NEURL1B: variants seen among roughly 807,000 people sequenced by gnomAD.
NEURL1B encodes the protein neuralized E3 ubiquitin protein ligase 1B.
NEURL1B carries 13 observed loss-of-function variants against 37.4 expected under a neutral mutation model. That is an observed-to-expected ratio of 0.35 (90% CI 0.23 to 0.55). The LOEUF is 0.55. Ranked by LOEUF, NEURL1B falls within the 20% of genes least tolerant of loss-of-function variation. NEURL1B has a pLI of 0.89. For synonymous variants in NEURL1B, 432 were observed against 426.6 expected (o/e 1.01, Z -0.16); for missense variants, 790 against 879.2 (o/e 0.90, Z 1.28).
intron 1 of NEURL1B, among the ~76,000 whole-genome samples, chr5:172,666,217 G>T (rs1758012420): frequency 6.6e-6 from 1 of 152,000 alleles, no homozygotes; most frequent in African/African-American, 2.4e-5. Flanking sequence ...AACAGAGCTG[G>T]GATCACACAC....
chr5:172,686,084 G>C lies in NEURL1B; in HGVS notation c.1298-87G>C. On this transcript the variant is annotated intron_variant, in intron 3 of 4. Transcript: ENST00000369800. This position sits in a 1 kb window ranked among gnomAD's most constrained non-coding sequence, Gnocchi z 7.9. ...TCTGGTCCTCTCGTTAGACGGGAAA[G>C]CTAAGGTGCAAAGCAGTGAAGAACC... 4 of 1,480,460 alleles carry C rather than the reference G, an allele frequency of 2.7e-6. No homozygotes were observed. The highest frequency in any genetic ancestry group is 3.6e-6 in the Non-Finnish European group (4 of 1,100,826). The allele number at this position is 1,480,460 out of a possible 1,614,324, so 91.7% of individuals were successfully genotyped here. A position where few individuals can be genotyped will look rare whatever the true frequency, so the allele number is the denominator to read the frequency against.
chr5:172,653,253 T>A (rs1757702117), intron 1 of NEURL1B, among the ~76,000 whole-genome samples: 1 of 152,218 alleles, frequency 6.6e-6, no homozygotes, highest in African/African-American at 2.4e-5. Flanking sequence ...GCCTTCTTAC[T>A]GAGAAACTTC....
Position 172,683,943 on chromosome 5 carries a change from T to C in NEURL1B, c.1102T>C (p.Tyr368His). The change falls in exon 3 of 5, where the codon TAC becomes CAC. Residue 368 changes from tyrosine to histidine, a missense_variant. Coordinates refer to ENST00000369800, the MANE Select transcript of NEURL1B (RefSeq NM_001142651.3). The surrounding 1 kb of genome is among the most constrained non-coding windows in gnomAD (Gnocchi z 5.6). ...DPDALLDRKE[Y>H]WVVARAGPVP... ...AGACGCGCTGCTCGACCGCAAAGAG[T>C]ACTGGGTGGTGGCGCGCGCCGGGCC... 2 of 1,376,276 alleles carry C rather than the reference T, an allele frequency of 1.5e-6. No individual in the cohort carries two copies. Among genetic ancestry groups the C allele is most frequent in the Non-Finnish European group, 1.9e-6 (2 of 1,059,538 alleles). The allele number at this position is 1,376,276 out of a possible 1,614,324, so 85.3% of individuals were successfully genotyped here. A position where few individuals can be genotyped will look rare whatever the true frequency, so the allele number is the denominator to read the frequency against.
Position 172,686,966 on chromosome 5 carries a change from T to A in NEURL1B, c.*41T>A. ...GGCCTTGGCCGGTGCAAGGTCACCT[T>A]TCTGAAGGCCCCCTGGGCTGGGCAA... On this transcript the variant is annotated 3_prime_UTR_variant, in exon 5 of 5. Coordinates refer to ENST00000369800, the MANE Select transcript of NEURL1B (RefSeq NM_001142651.3). The surrounding 1 kb of genome is among the most constrained non-coding windows in gnomAD (Gnocchi z 7.9). 1.3e-6 allele frequency: 2 copies of A among 1,522,998 alleles called. No individual in the cohort carries two copies. The highest frequency in any genetic ancestry group is 1.8e-6 in the Non-Finnish European group (2 of 1,126,776). 94.3% of individuals were successfully genotyped at this position (1,522,998 alleles called of 1,614,324 possible).
intron 2 of NEURL1B, among the ~76,000 whole-genome samples, chr5:172,677,594 C>A (rs1389058622): frequency 6.6e-6 from 1 of 152,160 alleles, no homozygotes; most frequent in Non-Finnish European, 1.5e-5. Context: ...AGGTCATGCC[C>A]CAGCACACCA....
At position 172,661,500 on chromosome 5, in the gene NEURL1B, A is replaced by G. The variant is rs1757902325; in HGVS notation, c.32-8285A>G. ...GTCCTCTCAGACCCTCAGTTTCCTC[A>G]TCTGGGAAATCAAGGTGGTAAAACC... On this transcript the variant is annotated intron_variant, in intron 1 of 4. Coordinates refer to ENST00000369800, the MANE Select transcript of NEURL1B (RefSeq NM_001142651.3). This position sits in a 1 kb window ranked among gnomAD's most constrained non-coding sequence, Gnocchi z 4.0. Among the ~76,000 whole-genome samples the G allele has an allele frequency of 6.6e-6, 1 of 152,236 alleles. No individual in the cohort carries two copies. Among genetic ancestry groups the G allele is most frequent in the Admixed American group, 6.5e-5 (1 of 15,282 alleles).
At chr5:172,672,353 T>C (rs1758145176) in intron 2 of NEURL1B, among the ~76,000 whole-genome samples, 1 of 152,204 alleles carries the variant, frequency 6.6e-6, no homozygotes, top group Admixed American at 6.5e-5. Flanking sequence ...GAGCTCTTTT[T>C]TCCTATCCAG....
chr5:172,664,824 T>C (rs1404135467), intron 1 of NEURL1B, among the ~76,000 whole-genome samples: 1 of 152,222 alleles, frequency 6.6e-6, no homozygotes, highest in African/African-American at 2.4e-5. Context: ...GCTGTGGTCT[T>C]GGGGAGGAAA....
chr5:172,659,615 T>C (rs1757858252), intron 1 of NEURL1B, among the ~76,000 whole-genome samples: 1 of 152,100 alleles, frequency 6.6e-6, no homozygotes, highest in Admixed American at 6.5e-5. Context: ...GAGAGGTGGA[T>C]CCACAGGAGT....
chr5:172,656,555 C>A, intron 1 of NEURL1B: 7 of 1,610,960 alleles, frequency 4.3e-6, no homozygotes, highest in Non-Finnish European at 5.9e-6. Flanking sequence ...CACCTATGGC[C>A]AAGAGCCCCT....
At chr5:172,684,195 T>A in intron 3 of NEURL1B, 57 bp downstream of exon 3, 1 of 1,102,358 alleles carries the variant, frequency 9.1e-7, no homozygotes, top group Non-Finnish European at 1.1e-6. Context: ...CCGTGCCGTC[T>A]CACCCCGCTG....
Position 172,677,524 on chromosome 5 carries a change from G to T in NEURL1B, c.578-5895G>T, listed in dbSNP as rs150736669. 6.5e-3 allele frequency among the ~76,000 whole-genome samples: 985 copies of T among 152,278 alleles called. 3 individuals carry two copies. The highest frequency in any genetic ancestry group is 0.01 in the Non-Finnish European group (701 of 68,022). ...AACCGAGGCCTGTGTCTGCAGTCCA[G>T]CCTTCTCTGGTTGGCAGAAGGGCAT... On this transcript the variant is annotated intron_variant, in intron 2 of 4. Coordinates refer to ENST00000369800, the MANE Select transcript of NEURL1B (RefSeq NM_001142651.3).
rs1758604343 is a variant in NEURL1B, at chr5:172,689,904, TGA to T, written c.*2984_*2985del. On this transcript the variant is annotated 3_prime_UTR_variant, in exon 5 of 5. Transcript: ENST00000369800. ...GCATTCTCCTGGCAGAGCTGAGGTC[TGA>T]GAGATCTGGACTCCAACCCAAGGGC... is the stretch of plus-strand genomic sequence containing the variant. 6.6e-6 allele frequency: 1 copy of T among 152,272 alleles called. No homozygotes were observed. The highest frequency in any genetic ancestry group is 1.9e-4 in the East Asian group (1 of 5,196). 9.4% of individuals were successfully genotyped at this position (152,272 alleles called of 1,614,324 possible).
chr5:172,666,786 C>T (rs1342885308), intron 1 of NEURL1B, among the ~76,000 whole-genome samples: 2 of 152,162 alleles, frequency 1.3e-5, no homozygotes, highest in African/African-American at 4.8e-5. Context: ...ACCCTTCTTC[C>T]ATGAAAATGA....
Position 172,661,042 on chromosome 5 carries a change from A to C in NEURL1B, c.32-8743A>C, listed in dbSNP as rs1757891684. ...CTGGATATGGCGGGAAGCCTTGCTAAATACCAGCCTTGCCTTTTCCTCTCT... is the reference window on the plus strand; with the variant it reads ...CTGGATATGGCGGGAAGCCTTGCTACATACCAGCCTTGCCTTTTCCTCTCT... On this transcript the variant is annotated intron_variant, in intron 1 of 4. Coordinates refer to ENST00000369800, the MANE Select transcript of NEURL1B (RefSeq NM_001142651.3). The surrounding 1 kb of genome is among the most constrained non-coding windows in gnomAD (Gnocchi z 4.0). Among the ~76,000 whole-genome samples, 2 of 152,140 alleles carry C rather than the reference A, an allele frequency of 1.3e-5. No homozygotes were observed. The highest frequency in any genetic ancestry group is 6.5e-5 in the Admixed American group (1 of 15,274).
In NEURL1B at chr5:172,656,683, G is replaced by C. The variant is rs922937560; in HGVS notation, c.32-13102G>C. Reference sequence around the variant, plus strand: ...GCCTACTTCTTGGGCTGTTTCAGTGGCTTCTTCTTGCCACCTTCGCGGCCG... The same window carrying C: ...GCCTACTTCTTGGGCTGTTTCAGTGCCTTCTTCTTGCCACCTTCGCGGCCG... On this transcript the variant is annotated intron_variant, in intron 1 of 4. Coordinates refer to ENST00000369800, the MANE Select transcript of NEURL1B (RefSeq NM_001142651.3). The C allele has an allele frequency of 6.2e-5, 92 of 1,495,780 alleles. No homozygotes were observed. In the African/African-American group the frequency reaches 1.1e-3, roughly 18 times the overall value. The allele number at this position is 1,495,780 out of a possible 1,614,324, so 92.7% of individuals were successfully genotyped here.
intron 1 of NEURL1B, among the ~76,000 whole-genome samples, chr5:172,655,938 A>G (rs184676031): frequency 6.6e-6 from 1 of 152,292 alleles, no homozygotes; most frequent in Non-Finnish European, 1.5e-5. Flanking sequence ...AATAGCACTC[A>G]AATATAACAT....
At chr5:172,682,977 G>A (rs1284092855) in intron 2 of NEURL1B, among the ~76,000 whole-genome samples, 1 of 152,216 alleles carries the variant, frequency 6.6e-6, no homozygotes, top group Non-Finnish European at 1.5e-5. Context: ...CGTTGCGTAA[G>A]GCCACGAGTA....
intron 2 of NEURL1B, among the ~76,000 whole-genome samples, chr5:172,670,591 T>C (rs932983476): frequency 1.3e-5 from 2 of 152,266 alleles, no homozygotes; most frequent in African/African-American, 2.4e-5. Flanking sequence ...GAACCCATGC[T>C]CTGGCCCAGG....
Sources: gnomAD v4.1 joint callset for allele counts (sites outside exome capture counted in the v4.1 genomes callset) on GRCh38, gnomAD v4.1.1 for gene constraint, Gnocchi (gnomAD v3.1) non-coding constraint, MANE v1.5 for transcripts, NCBI Gene and HGNC (gene_info 2026-07-23, HGNC 2026-07-21) for gene names.